DMRT1: variants seen among roughly 807,000 people sequenced by gnomAD.
DMRT1 encodes doublesex and mab-3 related transcription factor 1.
In DMRT1, 7 loss-of-function variants were observed where a neutral mutation model predicts 32.3. That is an observed-to-expected ratio of 0.22 (90% CI 0.12 to 0.41). DMRT1 has a LOEUF of 0.41. DMRT1 is among the 10% of genes least tolerant of loss of function. The probability of loss-of-function intolerance (pLI) is 1.00; values close to 1 mark genes in which losing one functional copy is unlikely to be tolerated. For synonymous variants in DMRT1, 278 were observed against 206.1 expected (o/e 1.35, Z -2.99); for missense variants, 625 against 500.5 (o/e 1.25, Z -2.37).
chr9:859,304 C>T (rs755116558), intron 2 of DMRT1, among the ~76,000 whole-genome samples: 57 of 152,102 alleles, frequency 3.7e-4, no homozygotes, highest in Non-Finnish European at 6.8e-4. Flanking sequence ...TTATAGGGAA[C>T]GGATGCAGGG....
intron 3 of DMRT1, among the ~76,000 whole-genome samples, chr9:915,588 A>G (rs979318714): frequency 2.0e-5 from 3 of 152,208 alleles, no homozygotes; most frequent in East Asian, 1.9e-4. Flanking sequence ...AATCACCTCC[A>G]GAATTCAGAT....
intron 2 of DMRT1, among the ~76,000 whole-genome samples, chr9:850,881 T>C (rs572451131): frequency 1.1e-3 from 168 of 151,930 alleles, no homozygotes; most frequent in African/African-American, 4.0e-3. Context: ...ATATAAAAAT[T>C]AGCTGGGCAT....
intron 3 of DMRT1, among the ~76,000 whole-genome samples, chr9:901,351 G>A (rs1817566097): frequency 6.6e-6 from 1 of 151,690 alleles, no homozygotes; most frequent in Admixed American, 6.6e-5. Flanking sequence ...TTGTGAGACA[G>A]AGCCTCACTC....
chr9:932,853 A>G (rs1219757225), intron 4 of DMRT1, among the ~76,000 whole-genome samples: 1 of 152,092 alleles, frequency 6.6e-6, no homozygotes, highest in Non-Finnish European at 1.5e-5. Flanking sequence ...ACAACTCAGG[A>G]GCAGCCAAAT....
At chr9:884,797 C>G (rs556161645) in intron 2 of DMRT1, among the ~76,000 whole-genome samples, 1 of 152,186 alleles carries the variant, frequency 6.6e-6, no homozygotes, top group African/African-American at 2.4e-5. Context: ...TGGTGAAACC[C>G]CGTCTCTACT....
intron 2 of DMRT1, among the ~76,000 whole-genome samples, chr9:884,658 G>T (rs879533107): frequency 1.3e-5 from 2 of 152,164 alleles, no homozygotes; most frequent in East Asian, 3.9e-4. Flanking sequence ...CAAATTAGGA[G>T]TATATACCAA....
intron 3 of DMRT1, among the ~76,000 whole-genome samples, chr9:904,940 C>T (rs1208083550): frequency 1.6e-5 from 1 of 62,394 alleles, no homozygotes; most frequent in East Asian, 5.7e-4. Flanking sequence ...GAAACTCCGT[C>T]TCAAAAAAAA....
chr9:878,598 T>A (rs1816607332), intron 2 of DMRT1, among the ~76,000 whole-genome samples: 1 of 152,152 alleles, frequency 6.6e-6, no homozygotes. Context: ...CAAGTTCAGC[T>A]GAGCTTGGGA....
At chr9:858,147 C>T (rs1442705367) in intron 2 of DMRT1, among the ~76,000 whole-genome samples, 2 of 152,152 alleles carry the variant, frequency 1.3e-5, no homozygotes, top group African/African-American at 4.8e-5. Context: ...TGTCACTCTT[C>T]TGGGGAGTGA....
chr9:925,878 G>T (rs1253910772), intron 4 of DMRT1, among the ~76,000 whole-genome samples: 1 of 152,216 alleles, frequency 6.6e-6, no homozygotes, highest in African/African-American at 2.4e-5. Context: ...GCTCAGTGAT[G>T]ATGCTGTTTA....
At chr9:930,609 C>T (rs960298122) in intron 4 of DMRT1, among the ~76,000 whole-genome samples, 3 of 152,078 alleles carry the variant, frequency 2.0e-5, no homozygotes, top group East Asian at 1.9e-4. Context: ...AGGGTTTCAC[C>T]ATGTTAGCCA....
In DMRT1 at chr9:964,019, G is replaced by A. The variant is rs1426480062; in HGVS notation, c.968-3966G>A. 6.6e-5 allele frequency among the ~76,000 whole-genome samples: 10 copies of A among 152,284 alleles called. No homozygotes were observed. The South Asian group carries it at 1.9e-3, about 28-fold the overall frequency. On this transcript the variant is annotated intron_variant, in intron 4 of 4. Transcript: ENST00000382276. Reference sequence around the variant, plus strand: ...TTTATTTTAAAATGGTTTCTTAGGAGTTTAATAGTGTTTAACATATAGAGG... The same window carrying A: ...TTTATTTTAAAATGGTTTCTTAGGAATTTAATAGTGTTTAACATATAGAGG...
intron 2 of DMRT1, among the ~76,000 whole-genome samples, chr9:891,079 C>T (rs762450139): frequency 3.3e-5 from 5 of 151,842 alleles, no homozygotes; most frequent in Non-Finnish European, 7.4e-5. Flanking sequence ...GTGGCTCATG[C>T]CTGTAATCGT....
rs1296589602 is a variant in DMRT1 at position 908,493 on chromosome 9, T to C, written c.823-8270T>C. ...TTTAAAAAAGACTGATGTGAATTTC[T>C]CTTCCATGCCCTCTCCACAATTTAT... is the stretch of plus-strand genomic sequence containing the variant. On this transcript the variant is annotated intron_variant, in intron 3 of 4. Transcript: ENST00000382276. 3.3e-5 allele frequency among the ~76,000 whole-genome samples: 5 copies of C among 152,242 alleles called. No homozygotes were observed. The East Asian group carries it at 9.7e-4, about 29-fold the overall frequency.
intron 2 of DMRT1, among the ~76,000 whole-genome samples, chr9:861,185 T>C (rs969469375): frequency 6.6e-6 from 1 of 151,924 alleles, no homozygotes; most frequent in Non-Finnish European, 1.5e-5. Context: ...GTCTCTGGTT[T>C]TCCTAGGCAG....
At chr9:893,777 G>A in intron 2 of DMRT1, 135 bp from the exon 3 acceptor site, 1 of 791,832 alleles carries the variant, frequency 1.3e-6, no homozygotes, top group East Asian at 2.6e-5. Context: ...GGCTATAGGA[G>A]AAGCAACAGA....
chr9:962,957 G>A (rs1255858368), intron 4 of DMRT1, among the ~76,000 whole-genome samples: 1 of 152,134 alleles, frequency 6.6e-6, no homozygotes, highest in African/African-American at 2.4e-5. Context: ...GCTTGGCTCT[G>A]TTCCTTTTGA....
intron 4 of DMRT1, among the ~76,000 whole-genome samples, chr9:943,905 G>A (rs948183430): frequency 6.6e-6 from 1 of 152,168 alleles, no homozygotes; most frequent in East Asian, 1.9e-4. Context: ...GTTGGCTTTT[G>A]GGCTTAAGCA....
chr9:889,897 G>A (rs1197794957), intron 2 of DMRT1, among the ~76,000 whole-genome samples: 1 of 152,118 alleles, frequency 6.6e-6, no homozygotes, highest in African/African-American at 2.4e-5. Context: ...GATTGTATAG[G>A]AATGAACCAT....
Sources: gnomAD v4.1 joint callset for allele counts (sites outside exome capture counted in the v4.1 genomes callset) on GRCh38, gnomAD v4.1.1 for gene constraint, MANE v1.5 for transcripts, NCBI Gene and HGNC (gene_info 2026-07-23, HGNC 2026-07-21) for gene names.